Variants in FBXL20 observed in about 807,000 individuals in gnomAD.
FBXL20 encodes F-box/LRR-repeat protein 20.
A neutral mutation model predicts 64.0 loss-of-function variants in FBXL20; 11 were observed. That is an observed-to-expected ratio of 0.17 (90% confidence interval 0.11 to 0.28). The LOEUF is 0.28. Among genes scored for constraint, FBXL20 ranks in the 10% least tolerant of loss-of-function variants. The pLI, the probability that FBXL20 is intolerant of heterozygous loss-of-function variation, is 1.00. For missense variants in FBXL20, 303 were observed against 526.2 expected, an observed-to-expected ratio of 0.58 and a Z score of 4.15; for synonymous variants, 184 against 189.0, an observed-to-expected ratio of 0.97 and a Z score of 0.22.
intron 1 of FBXL20, among the ~76,000 whole-genome samples, chr17:39,368,676 G>C (rs1388760230): frequency 6.6e-6 from 1 of 152,022 alleles, no homozygotes; most frequent in African/African-American, 2.4e-5. Flanking sequence ...GTTTTATTGA[G>C]ATGGTGTCTC....
intron 12 of FBXL20, among the ~76,000 whole-genome samples, chr17:39,265,802 G>A (rs1444362694): frequency 1.3e-5 from 2 of 150,746 alleles, no homozygotes; most frequent in African/African-American, 4.9e-5. Flanking sequence ...AGGCCACCAT[G>A]TGCGATCACA....
intron 1 of FBXL20, among the ~76,000 whole-genome samples, chr17:39,344,659 C>T (rs2047615746): frequency 6.6e-6 from 1 of 152,022 alleles, no homozygotes; most frequent in Non-Finnish European, 1.5e-5. Flanking sequence ...TGTGGTGGCA[C>T]ACACCTGTAG....
At chr17:39,261,671 AG>A (rs2046746655) in intron 14 of FBXL20, 104 bp from the exon 15 acceptor site, 1 of 817,736 alleles carries the variant, frequency 1.2e-6, no homozygotes, top group African/African-American at 1.7e-5. Flanking sequence ...ACATAAAAGC[AG>A]GGCAAAGGCT....
chr17:39,378,801 G>A lies in FBXL20; in HGVS notation c.42+22560C>T, dbSNP rs565908597. ...ATTTTTGTATTTTTTAATAGAGACA[G>A]AGTTTCACTATGTTGGCCAGGCTGG... is the stretch of plus-strand genomic sequence containing the variant. On this transcript the variant is annotated intron_variant, in intron 1 of 14. Coordinates refer to ENST00000264658, the MANE Select transcript of FBXL20 (RefSeq NM_032875.3). Among the ~76,000 whole-genome samples, 56 of 151,746 alleles carry A rather than the reference G, an allele frequency of 3.7e-4. 1 individual carries two copies. Among genetic ancestry groups the A allele is most frequent in the African/African-American group, 1.3e-3 (53 of 41,450 alleles).
chr17:39,400,643 C>T (rs187358489), intron 1 of FBXL20, among the ~76,000 whole-genome samples: 138 of 152,280 alleles, frequency 9.1e-4, no homozygotes, highest in African/African-American at 3.1e-3. Flanking sequence ...CTTTCAAGAC[C>T]GTCCACTCCT....
At chr17:39,277,552 T>A (rs989195292) in intron 9 of FBXL20, among the ~76,000 whole-genome samples, 1 of 151,478 alleles carries the variant, frequency 6.6e-6, no homozygotes, top group Non-Finnish European at 1.5e-5. Flanking sequence ...AGGTCAGGAG[T>A]CTGAGACCAG....
chr17:39,388,293 C>T (rs1162286291), intron 1 of FBXL20, among the ~76,000 whole-genome samples: 1 of 151,608 alleles, frequency 6.6e-6, no homozygotes, highest in Non-Finnish European at 1.5e-5. Context: ...CTCATCTCTA[C>T]TAAAAGTGCA....
chr17:39,389,484 T>G (rs192286234), intron 1 of FBXL20, among the ~76,000 whole-genome samples: 198 of 152,090 alleles, frequency 1.3e-3, no homozygotes, highest in Middle Eastern at 3.4e-3. Flanking sequence ...GCAGGCCAAG[T>G]GCAGTGGGAA....
Position 39,256,327 on chromosome 17 carries a change from A to T in FBXL20, c.*5133T>A, listed in dbSNP as rs1427020080. The T allele has an allele frequency of 2.6e-5, 4 of 151,778 alleles. No homozygotes were observed. The highest frequency in any genetic ancestry group is 5.9e-5 in the Non-Finnish European group (4 of 67,956). The allele number at this position is 151,778 out of a possible 1,614,324, so 9.4% of individuals were successfully genotyped here. A position where few individuals can be genotyped will look rare whatever the true frequency, so the allele number is the denominator to read the frequency against. On this transcript the variant is annotated 3_prime_UTR_variant, in exon 15 of 15. Transcript: ENST00000264658. ...CAGAGCGAGACTCCATGTCAAAAAA[A>T]AAAAAAAAAAAAAGAAATATAGGCG... is the stretch of plus-strand genomic sequence containing the variant.
At chr17:39,279,793 G>A (rs1042913155) in intron 9 of FBXL20, among the ~76,000 whole-genome samples, 1 of 152,066 alleles carries the variant, frequency 6.6e-6, no homozygotes, top group African/African-American at 2.4e-5. Context: ...AACTACTAGG[G>A]AGGCTGAGGT....
At chr17:39,377,662 G>A (rs554084241) in intron 1 of FBXL20, among the ~76,000 whole-genome samples, 164 of 152,036 alleles carry the variant, frequency 1.1e-3, no homozygotes, top group African/African-American at 3.7e-3. Context: ...TACCACGCCC[G>A]GCTAATTTTT....
Position 39,400,825 on chromosome 17 carries a change from T to C in FBXL20, c.42+536A>G, listed in dbSNP as rs377368769. On this transcript the variant is annotated intron_variant, in intron 1 of 14. Transcript: ENST00000264658. The stretch of plus-strand genomic sequence containing the variant: ...ACTAAACGGGAAAGCAGAGGAAGTA[T>C]CAGAACAATACCCAAACCAAACACA... Among the ~76,000 whole-genome samples the C allele has an allele frequency of 1.1e-3, 165 of 152,224 alleles. 1 individual carries two copies. Among genetic ancestry groups the C allele is most frequent in the African/African-American group, 3.9e-3 (161 of 41,528 alleles).
chr17:39,347,218 G>A lies in FBXL20; in HGVS notation c.43-3977C>T, dbSNP rs1440072537. ...TGGGTATATACCCAGTAATGGGATC[G>A]CTGGGTCAAATGGTTATTTCTAGTT... On this transcript the variant is annotated intron_variant, in intron 1 of 14. Transcript: ENST00000264658. Among the ~76,000 whole-genome samples the A allele has an allele frequency of 7.2e-5, 11 of 152,142 alleles. No individual in the cohort carries two copies. In the South Asian group the frequency reaches 1.0e-3, roughly 14 times the overall value.
intron 9 of FBXL20, among the ~76,000 whole-genome samples, chr17:39,278,068 ATGTG>A (rs1296701932): frequency 6.6e-6 from 1 of 152,126 alleles, no homozygotes; most frequent in African/African-American, 2.4e-5. Context: ...TTATGTCTAT[ATGTG>A]TGTGTATGTA....
In FBXL20 at chr17:39,270,791, C is replaced by G; in HGVS notation, c.888+5G>C. On this transcript the variant is annotated splice_donor_5th_base_variant and intron_variant, in intron 11 of 14. Transcript: ENST00000264658. ...AAACCTATGGAACCTAAAGAAAATA[C>G]TTACCCTGGCTAGAGTGGTAAAGCC... 6.2e-7 allele frequency: 1 copy of G among 1,606,130 alleles called. No homozygotes were observed. The highest frequency in any genetic ancestry group is 8.5e-7 in the Non-Finnish European group (1 of 1,177,112).
chr17:39,290,194 G>A (rs1257859691), intron 6 of FBXL20, among the ~76,000 whole-genome samples: 2 of 151,552 alleles, frequency 1.3e-5, no homozygotes, highest in Non-Finnish European at 2.9e-5. Context: ...TATAAATGAT[G>A]TATCTTAAAC....
chr17:39,341,511 T>C (rs2047582920), intron 2 of FBXL20, among the ~76,000 whole-genome samples: 1 of 152,208 alleles, frequency 6.6e-6, no homozygotes, highest in Non-Finnish European at 1.5e-5. Flanking sequence ...GTAGTCAATG[T>C]TGAAGACTGA....
chr17:39,310,587 C>T lies in FBXL20; in HGVS notation c.105-6948G>A, dbSNP rs140226952. On this transcript the variant is annotated intron_variant, in intron 2 of 14. Coordinates refer to ENST00000264658, the MANE Select transcript of FBXL20 (RefSeq NM_032875.3). ...TGTCGGGTAGGCACAGTGGCTCATG[C>T]CTATAACCCCAGCACTTTGGGAGGC... 3.0e-3 allele frequency among the ~76,000 whole-genome samples: 449 copies of T among 152,168 alleles called. 2 individuals carry two copies. Among genetic ancestry groups the T allele is most frequent in the African/African-American group, 0.01 (424 of 41,522 alleles).
intron 2 of FBXL20, among the ~76,000 whole-genome samples, chr17:39,327,168 G>A (rs964947720): frequency 1.2e-4 from 18 of 152,046 alleles, no homozygotes; most frequent in East Asian, 5.8e-4. Flanking sequence ...TTACAGACGC[G>A]AGCCACCGCA....
Sources: allele counts gnomAD v4.1 joint callset (sites outside exome capture counted in the v4.1 genomes callset), GRCh38; gene constraint gnomAD v4.1.1; transcripts MANE v1.5; gene names NCBI Gene and HGNC (gene_info 2026-07-23, HGNC 2026-07-21).